Variants in HEPHL1 observed in about 807,000 individuals in gnomAD.
HEPHL1 encodes the protein hephaestin like 1.
HEPHL1 carries 123 observed loss-of-function variants against 122.0 expected under a neutral mutation model. That is an observed-to-expected ratio of 1.01 (90% CI 0.87 to 1.17). The LOEUF is 1.17. Ranked by LOEUF, HEPHL1 falls within the 50% of genes most tolerant of loss-of-function variation. The pLI is 0.00. For synonymous variants in HEPHL1, 527 were observed against 508.9 expected (o/e 1.04, Z -0.48); for missense variants, 1,452 against 1,430.5 (o/e 1.01, Z -0.24).
At chr11:94,022,299 G>T (rs1227618330) in intron 1 of HEPHL1, among the ~76,000 whole-genome samples, 1 of 152,194 alleles carries the variant, frequency 6.6e-6, no homozygotes, top group Non-Finnish European at 1.5e-5. Context: ...GACTCCAGAA[G>T]ATGTCATGCT....
chr11:94,106,073 A>G lies in HEPHL1; in HGVS notation c.2988A>G (p.Ile996Met). 1 of 1,599,918 alleles carries G rather than the reference A, an allele frequency of 6.3e-7. No individual in the cohort carries two copies. The highest frequency in any genetic ancestry group is 8.5e-7 in the Non-Finnish European group (1 of 1,170,460). Residue 996 changes from isoleucine (I) to methionine (M), a missense_variant, in exon 17 of 20, where the codon ATA becomes ATG. By Grantham distance (10) the Ile-to-Met change is conservative. Coordinates refer to ENST00000315765, the MANE Select transcript of HEPHL1 (RefSeq NM_001098672.2). Reference sequence around the variant, plus strand: ...TGACAAACTGGTATTTGTTAGGGATAGGAAGTGAAGTGGACATACATACCA... The same window carrying G: ...TGACAAACTGGTATTTGTTAGGGATGGGAAGTGAAGTGGACATACATACCA... ...DTMTNWYLLG[I>M]GSEVDIHTIH...
chr11:94,110,771 C>A (rs1420385772), intron 17 of HEPHL1, 132 bp from the exon 18 acceptor site: 4 of 651,416 alleles, frequency 6.1e-6, no homozygotes, highest in Non-Finnish European at 1.0e-5. Flanking sequence ...TACTTCTATT[C>A]TTGATTCCTG....
intron 12 of HEPHL1, among the ~76,000 whole-genome samples, chr11:94,092,079 G>A (rs1438472442): frequency 1.3e-5 from 2 of 152,138 alleles, no homozygotes; most frequent in Non-Finnish European, 2.9e-5. Context: ...AGGGCAAAGA[G>A]GAGTACAGGT....
rs1413463995 is a variant in HEPHL1 at position 94,102,944 on chromosome 11, C to T, written c.2606C>T (p.Pro869Leu). Residue 869 changes from proline (P) to leucine (L), a missense_variant, in exon 15 of 20, where the codon CCT becomes CTT. Physicochemically the swap from Pro to Leu is moderately conservative, Grantham distance 98. Coordinates refer to ENST00000315765, the MANE Select transcript of HEPHL1 (RefSeq NM_001098672.2). ...GTAAAAACTTATAGATGGAATATCC[C>T]TAAAAGATCCGGTCCAGGGCCTTCT... ...GEVKTYRWNI[P>L]KRSGPGPSDP... is the part of the protein sequence containing the mutation. 3 of 1,603,478 alleles carry T rather than the reference C, an allele frequency of 1.9e-6. No homozygotes were observed. Among genetic ancestry groups the T allele is most frequent in the East Asian group, 2.2e-5 (1 of 44,796 alleles).
At chr11:94,039,513 C>G (rs1374882603) in intron 1 of HEPHL1, among the ~76,000 whole-genome samples, 2 of 150,528 alleles carry the variant, frequency 1.3e-5, no homozygotes, top group Non-Finnish European at 3.0e-5. Context: ...GAAATTATAA[C>G]AAACTATCTC....
intron 1 of HEPHL1, among the ~76,000 whole-genome samples, chr11:94,044,570 C>T (rs1945816361): frequency 6.6e-6 from 1 of 152,086 alleles, no homozygotes; most frequent in African/African-American, 2.4e-5. Flanking sequence ...TCTCTCACTC[C>T]TCACTTCCTA....
chr11:94,057,390 T>A (rs1382580259), intron 2 of HEPHL1, among the ~76,000 whole-genome samples: 1 of 152,130 alleles, frequency 6.6e-6, no homozygotes, highest in Non-Finnish European at 1.5e-5. Flanking sequence ...TGCAGACAAC[T>A]GTTATACACA....
chr11:94,029,275 C>T (rs1945652839), intron 1 of HEPHL1, among the ~76,000 whole-genome samples: 1 of 152,214 alleles, frequency 6.6e-6, no homozygotes. Context: ...GCTATGGGTT[C>T]TCTTCACTGT....
chr11:94,073,203 G>C (rs757605300), intron 7 of HEPHL1, 39 bp downstream of exon 7: 5 of 1,611,042 alleles, frequency 3.1e-6, no homozygotes, highest in Admixed American at 3.4e-5. Context: ...AACCCAGGGA[G>C]ATGTTTTAGC....
In HEPHL1 at chr11:94,063,641, C is replaced by G. The variant is rs777910869; in HGVS notation, c.549C>G (p.Thr183=). 5 of 1,613,930 alleles carry G rather than the reference C, an allele frequency of 3.1e-6. No individual in the cohort carries two copies. In the South Asian group the frequency reaches 5.5e-5, roughly 18 times the overall value. ...APTPADANCL[T]WVYHSHIDAP... Reference sequence around the variant, plus strand: ...CTCCAGCCGATGCCAACTGCCTGACCTGGGTGTACCATTCGCACATCGACG... The same window carrying G: ...CTCCAGCCGATGCCAACTGCCTGACGTGGGTGTACCATTCGCACATCGACG... The change falls in exon 3 of 20, where the codon ACC becomes ACG. Residue 183 remains threonine, a synonymous_variant. Coordinates refer to ENST00000315765, the MANE Select transcript of HEPHL1 (RefSeq NM_001098672.2).
intron 6 of HEPHL1, among the ~76,000 whole-genome samples, chr11:94,072,579 C>T (rs1297475724): frequency 6.6e-6 from 1 of 152,132 alleles, no homozygotes; most frequent in African/African-American, 2.4e-5. Context: ...AATAATTACA[C>T]TATTTGATTA....
chr11:94,085,532 T>C (rs1591482460), intron 10 of HEPHL1, among the ~76,000 whole-genome samples: 1 of 152,212 alleles, frequency 6.6e-6, no homozygotes, highest in East Asian at 1.9e-4. Flanking sequence ...AGTAAAAGCA[T>C]GTCTGATAAC....
chr11:94,024,316 T>A (rs1282975871), intron 1 of HEPHL1, among the ~76,000 whole-genome samples: 2 of 152,156 alleles, frequency 1.3e-5, no homozygotes, highest in African/African-American at 4.8e-5. Flanking sequence ...ATCACTTTCC[T>A]TAATTTGTGT....
rs373013506 is a variant in HEPHL1 at position 94,067,653 on chromosome 11, C to T, written c.966C>T (p.Val322=). Residue 322 remains valine (V), a synonymous_variant, in exon 5 of 20, where the codon GTC becomes GTT. Coordinates refer to ENST00000315765, the MANE Select transcript of HEPHL1 (RefSeq NM_001098672.2). The part of the protein sequence containing the change: ...TFISRGHRTD[V]VNLFPATFLT... ...TCAGCAGAGGGCATCGGACTGATGT[C>T]GTCAACCTGTTCCCAGCCACCTTCC... is the stretch of plus-strand genomic sequence containing the variant. The T allele has an allele frequency of 1.1e-5, 18 of 1,613,554 alleles. No homozygotes were observed. Among genetic ancestry groups the T allele is most frequent in the Middle Eastern group, 1.6e-4 (1 of 6,080 alleles).
At chr11:94,102,320 A>G (rs532652778) in intron 14 of HEPHL1, among the ~76,000 whole-genome samples, 5 of 152,250 alleles carry the variant, frequency 3.3e-5, no homozygotes, top group African/African-American at 9.6e-5. Context: ...ACTAAAGGTT[A>G]GTGACATTAG....
rs1946113756 is a variant in HEPHL1, at chr11:94,075,436, T to A, written c.1716+51T>A. 1.0e-5 allele frequency: 13 copies of A among 1,288,682 alleles called. No individual in the cohort carries two copies. The South Asian group carries it at 1.6e-4, about 16-fold the overall frequency. 79.8% of individuals were successfully genotyped at this position (1,288,682 alleles called of 1,614,324 possible). ...TTCTCAGGGTTGTATGTGGGAGAGA[T>A]CCGCAAGAGCCAGAGACGAGACAGG... is the stretch of plus-strand genomic sequence containing the variant. On this transcript the variant is annotated intron_variant, in intron 9 of 19. Coordinates refer to ENST00000315765, the MANE Select transcript of HEPHL1 (RefSeq NM_001098672.2).
chr11:94,070,544 T>C lies in HEPHL1; in HGVS notation c.1232+2T>C. 1 of 1,606,426 alleles carries C rather than the reference T, an allele frequency of 6.2e-7. No individual in the cohort carries two copies. The highest frequency in any genetic ancestry group is 1.1e-5 in the South Asian group (1 of 89,804). ...TCTTCCTCTAAACGCCTCTGGCAGG[T>C]AAGCACCCTTTGTTGGTGTTTCTAA... On this transcript the variant is annotated splice_donor_variant, in intron 6 of 19. Transcript: ENST00000315765. LOFTEE classifies it high-confidence loss of function.
intron 1 of HEPHL1, among the ~76,000 whole-genome samples, chr11:94,039,575 A>G (rs1409327949): frequency 6.6e-6 from 1 of 151,898 alleles, no homozygotes; most frequent in Non-Finnish European, 1.5e-5. Context: ...TCTCACTCAA[A>G]GCCGCTCAAC....
chr11:94,101,158 C>G (rs750755699), intron 13 of HEPHL1, 37 bp from the exon 14 acceptor site: 62 of 1,600,896 alleles, frequency 3.9e-5, no homozygotes, highest in Non-Finnish European at 5.1e-5. Context: ...GTTGAAAGAG[C>G]AATAATAATG....
Sources: allele counts gnomAD v4.1 joint callset (sites outside exome capture counted in the v4.1 genomes callset), GRCh38; gene constraint gnomAD v4.1.1; transcripts MANE v1.5; gene names NCBI Gene and HGNC (gene_info 2026-07-23, HGNC 2026-07-21).